The following CAPN11 variants were observed in gnomAD, a reference collection of about 807,000 sequenced individuals.
The protein encoded by CAPN11 is calpain 11, also known as calpain-11.
Under a neutral mutation model 105.3 loss-of-function variants are expected in CAPN11, and 108 were observed. The observed-to-expected ratio is 1.03, with a 90% CI of 0.88 to 1.20. CAPN11 has a LOEUF of 1.20. Ranked by LOEUF, CAPN11 falls within the 50% of genes most tolerant of loss-of-function variation. The pLI is 0.00. For missense variants in CAPN11, 883 were observed against 924.8 expected (o/e 0.95, Z 0.59); for synonymous variants, 329 against 344.5 (o/e 0.96, Z 0.50).
At chr6:44,179,170 C>A (rs554055337) in intron 12 of CAPN11, among the ~76,000 whole-genome samples, 6 of 152,240 alleles carry the variant, frequency 3.9e-5, no homozygotes, top group African/African-American at 1.4e-4. Context: ...TTTATCCTAA[C>A]TCTTTCACTT....
At chr6:44,178,841 T>C (rs1772630317) in intron 12 of CAPN11, among the ~76,000 whole-genome samples, 1 of 151,496 alleles carries the variant, frequency 6.6e-6, no homozygotes, top group Admixed American at 6.6e-5. Flanking sequence ...GAGGATCACT[T>C]GAGCTCAGGA....
At chr6:44,176,216 C>CGTCTCCCTGACCA in intron 8 of CAPN11, 37 bp from the exon 9 acceptor site, 1 of 1,365,308 alleles carries the variant, frequency 7.3e-7, no homozygotes, top group Non-Finnish European at 1.0e-6. Flanking sequence ...CTCCCTGACC[C>CGTCTCCCTGACCA]CATAACTCTG....
intron 1 of CAPN11, among the ~76,000 whole-genome samples, chr6:44,161,074 T>C (rs1035540926): frequency 2.0e-5 from 3 of 152,182 alleles, no homozygotes; most frequent in Non-Finnish European, 4.4e-5. Flanking sequence ...CTGTCTGTGC[T>C]TCCCACAGGC....
rs1225488772 is a variant in CAPN11 at position 44,166,817 on chromosome 6, G to A, written c.76G>A (p.Gly26Ser). The change falls in exon 2 of 23, where the codon GGC (glycine) becomes AGC (serine). Residue 26 changes from glycine (G) to serine (S), a missense_variant. By Grantham distance (56) the Gly-to-Ser change is moderately conservative. Coordinates refer to ENST00000398776, the MANE Select transcript of CAPN11 (RefSeq NM_007058.4). ...TGGATCACAGGAGGATAAGCCTCGG[G>A]GCTCATGTGCGGGTAGGACTGCAGA... ...LDGSQEDKPR[G>S]SCAEPTFTDT... 1 of 1,551,694 alleles carries A rather than the reference G, an allele frequency of 6.4e-7. No individual in the cohort carries two copies. Among genetic ancestry groups the A allele is most frequent in the Admixed American group, 2.0e-5 (1 of 51,010 alleles).
intron 13 of CAPN11, 32 bp downstream of exon 13, chr6:44,179,662 T>G: frequency 6.2e-7 from 1 of 1,609,534 alleles, no homozygotes; most frequent in Non-Finnish European, 8.5e-7. Flanking sequence ...GGCTTGTTCC[T>G]GGACACATAC....
chr6:44,161,790 G>A (rs1768865417), intron 1 of CAPN11: 2 of 456,032 alleles, frequency 4.4e-6, no homozygotes, highest in Non-Finnish European at 4.4e-6. Flanking sequence ...GTCCTTCCAG[G>A]CCCCCAGGAG....
At chr6:44,179,513 A>C (rs1561851452) in intron 12 of CAPN11, 106 bp from the exon 13 acceptor site, 2 of 1,019,632 alleles carry the variant, frequency 2.0e-6, no homozygotes, top group East Asian at 2.4e-5. Flanking sequence ...CCCCTCCAAC[A>C]ACACACACAC....
At chr6:44,175,247 AG>A (rs1213837769) in intron 7 of CAPN11, among the ~76,000 whole-genome samples, 1 of 152,196 alleles carries the variant, frequency 6.6e-6, no homozygotes, top group African/African-American at 2.4e-5. Context: ...TGGGAGGCTG[AG>A]GAGGACAGAT....
At chr6:44,163,151 A>G (rs1046111829) in intron 1 of CAPN11, among the ~76,000 whole-genome samples, 1 of 152,198 alleles carries the variant, frequency 6.6e-6, no homozygotes, top group African/African-American at 2.4e-5. Flanking sequence ...TCGCAGGTAG[A>G]ATGCAGCAGC....
intron 2 of CAPN11, chr6:44,169,064 G>A: frequency 1.7e-6 from 1 of 573,844 alleles, no homozygotes. Context: ...CTGAGTAGCT[G>A]GGACTACAGG....
rs1330553101 is a variant in CAPN11 at position 44,161,174 on chromosome 6, TG to T, written c.16+2313del. ...CCCTCTCTAAGGGGATATTTTCTTT[TG>T]GGTTTTTTTTTTTTTTGGTGTTTTT... is the stretch of plus-strand genomic sequence containing the variant. On this transcript the variant is annotated intron_variant, in intron 1 of 22. Transcript: ENST00000398776. Among the ~76,000 whole-genome samples the T allele has an allele frequency of 2.0e-3, 214 of 107,078 alleles. 1 individual carries two copies. The highest frequency in any genetic ancestry group is 7.6e-3 in the Admixed American group (84 of 11,012). 70.2% of individuals were successfully genotyped at this position (107,078 alleles called of 152,430 possible).
At chr6:44,175,513 T>C (rs949325735) in intron 7 of CAPN11, among the ~76,000 whole-genome samples, 1 of 151,760 alleles carries the variant, frequency 6.6e-6, no homozygotes, top group Non-Finnish European at 1.5e-5. Context: ...CGGTGGCTCA[T>C]GCTTGTAATC....
chr6:44,168,602 T>A (rs1255187234), intron 2 of CAPN11, among the ~76,000 whole-genome samples: 4 of 151,402 alleles, frequency 2.6e-5, no homozygotes, highest in African/African-American at 4.9e-5. Flanking sequence ...TTCTTTCATT[T>A]AAAAAAAATA....
chr6:44,175,245 TGAG>T (rs1244682367), intron 7 of CAPN11, among the ~76,000 whole-genome samples: 1 of 151,998 alleles, frequency 6.6e-6, no homozygotes, highest in Non-Finnish European at 1.5e-5. Flanking sequence ...TTTGGGAGGC[TGAG>T]GAGGACAGAT....
At position 44,169,977 on chromosome 6, in the gene CAPN11, T is replaced by C; in HGVS notation, c.409+2T>C. On this transcript the variant is annotated splice_donor_variant, in intron 4 of 22. Transcript: ENST00000398776. LOFTEE classifies it high-confidence loss of function. ...CAGACATCTGCCAGGGGATCCTCGGTGAGTGGGGCACAGGAAGCTGGTCTC... is the reference window on the plus strand; with the variant it reads ...CAGACATCTGCCAGGGGATCCTCGGCGAGTGGGGCACAGGAAGCTGGTCTC... 1 of 1,608,076 alleles carries C rather than the reference T, an allele frequency of 6.2e-7. No homozygotes were observed. Among genetic ancestry groups the C allele is most frequent in the Non-Finnish European group, 8.5e-7 (1 of 1,176,624 alleles).
rs746031431 is a variant in CAPN11, at chr6:44,173,314, G to A, written c.759G>A (p.Arg253=). The A allele has an allele frequency of 8.1e-6, 13 of 1,613,790 alleles. No homozygotes were observed. The highest frequency in any genetic ancestry group is 2.2e-5 in the East Asian group (1 of 44,882). Residue 253 remains arginine (R), a synonymous_variant, in exon 7 of 23, where the codon AGG becomes AGA. Coordinates refer to ENST00000398776, the MANE Select transcript of CAPN11 (RefSeq NM_007058.4). ...TGGCCCAGAGCTTCCAACTCCAGAG[G>A]CCCCCTCAGAACCTGCTCAGGCTCC... ...GGVAQSFQLQ[R]PPQNLLRLLR... is the part of the protein sequence containing the mutation.
rs748941341 is a variant in CAPN11, at chr6:44,180,207, G to C, written c.1640+44G>C. The C allele has an allele frequency of 2.1e-6, 3 of 1,398,764 alleles. No individual in the cohort carries two copies. In the African/African-American group the frequency reaches 4.3e-5, roughly 20 times the overall value. The allele number at this position is 1,398,764 out of a possible 1,614,324, so 86.6% of individuals were successfully genotyped here. ...CTGCTCCAAGGCCCGCCACCCAAGA[G>C]CTGCAGGATATCAAGCTCAGGGAGC... On this transcript the variant is annotated intron_variant, in intron 14 of 22. Coordinates refer to ENST00000398776, the MANE Select transcript of CAPN11 (RefSeq NM_007058.4).
intron 2 of CAPN11, among the ~76,000 whole-genome samples, chr6:44,167,555 TAAA>T (rs34234150): frequency 7.3e-6 from 1 of 136,640 alleles, no homozygotes; most frequent in African/African-American, 2.8e-5. Context: ...TGGAGGCCAT[TAAA>T]AAAAAAAAAC....
chr6:44,166,319 G>A (rs1346311193), intron 1 of CAPN11, among the ~76,000 whole-genome samples: 1 of 152,142 alleles, frequency 6.6e-6, no homozygotes, highest in African/African-American at 2.4e-5. Flanking sequence ...TTGGTCCAGG[G>A]TCTGCAGTAC....
Sources: allele counts gnomAD v4.1 joint callset (sites outside exome capture counted in the v4.1 genomes callset), GRCh38; gene constraint gnomAD v4.1.1; transcripts MANE v1.5; gene names NCBI Gene and HGNC (gene_info 2026-07-23, HGNC 2026-07-21).